The following RORA variants were observed in gnomAD, a reference collection of about 807,000 sequenced individuals.
The protein encoded by RORA is RAR related orphan receptor A.
RORA carries 7 observed loss-of-function variants against 69.5 expected under a neutral mutation model. The observed-to-expected ratio is 0.10, with a 90% confidence interval of 0.06 to 0.19. The LOEUF is 0.19. Ranked by LOEUF, RORA falls within the 10% of genes least tolerant of loss-of-function variation. RORA has a pLI of 1.00. For missense variants in RORA, 457 were observed against 663.0 expected (o/e 0.69, Z 3.41); for synonymous variants, 261 against 240.8 (o/e 1.08, Z -0.78).
chr15:60,615,113 C>A (rs1392023736), intron 2 of RORA: 2 of 1,525,570 alleles, frequency 1.3e-6, no homozygotes, highest in Non-Finnish European at 1.8e-6. Context: ...CTGCCACTAT[C>A]CACAGCCACC....
chr15:61,004,370 G>C lies in RORA; in HGVS notation c.166+224683C>G, dbSNP rs530288502. Among the ~76,000 whole-genome samples, 822 of 127,890 alleles carry C rather than the reference G, an allele frequency of 6.4e-3. 5 individuals carry two copies. Among genetic ancestry groups the C allele is most frequent in the Middle Eastern group, 0.013 (3 of 238 alleles). 83.9% of individuals were successfully genotyped at this position (127,890 alleles called of 152,430 possible). ...TAGAATTCTTTATGCTTAAAATGGA[G>C]TCTGAATGTTTTTTTTTTTTTTCAT... is the stretch of plus-strand genomic sequence containing the variant. On this transcript the variant is annotated intron_variant, in intron 1 of 10. Coordinates refer to ENST00000335670, the MANE Select transcript of RORA (RefSeq NM_134261.3).
chr15:60,672,018 T>C (rs961950191), intron 2 of RORA, among the ~76,000 whole-genome samples: 3 of 152,072 alleles, frequency 2.0e-5, no homozygotes, highest in East Asian at 1.9e-4. Context: ...GACCAAGAGG[T>C]TGAGGCTGCA....
chr15:61,217,183 C>T (rs558529147), intron 1 of RORA, among the ~76,000 whole-genome samples: 1 of 152,134 alleles, frequency 6.6e-6, no homozygotes, highest in Non-Finnish European at 1.5e-5. Context: ...TTAATGGGCA[C>T]CTATTTTATG....
intron 1 of RORA, among the ~76,000 whole-genome samples, chr15:61,135,146 TAAAAAAAAA>T: frequency 1.8e-5 from 1 of 56,594 alleles, no homozygotes; most frequent in African/African-American, 6.4e-5. Context: ...CATCTCTTAC[TAAAAAAAAA>T]AAAAAAAAAA....
At chr15:60,562,783 C>T (rs2067608564) in intron 2 of RORA, among the ~76,000 whole-genome samples, 1 of 151,980 alleles carries the variant, frequency 6.6e-6, no homozygotes, top group African/African-American at 2.4e-5. Flanking sequence ...TGCTATGTTG[C>T]CCAGGCTGCT....
intron 1 of RORA, among the ~76,000 whole-genome samples, chr15:61,210,289 T>C (rs762272317): frequency 6.6e-6 from 1 of 152,244 alleles, no homozygotes; most frequent in Non-Finnish European, 1.5e-5. Context: ...AGTCTTTCTC[T>C]GACAATGCCC....
rs1403681445 is a variant in RORA, at chr15:61,202,599, G to A, written c.166+26454C>T. On this transcript the variant is annotated intron_variant, in intron 1 of 10. Transcript: ENST00000335670. Reference sequence around the variant, plus strand: ...GGTGCTAACAACCTCATAGGAGCAGGAGATGAGATCTTGCAGCCTCGCTTG... The same window carrying A: ...GGTGCTAACAACCTCATAGGAGCAGAAGATGAGATCTTGCAGCCTCGCTTG... Among the ~76,000 whole-genome samples the A allele has an allele frequency of 2.6e-5, 4 of 152,192 alleles. No homozygotes were observed. In the East Asian group the frequency reaches 5.8e-4, roughly 22 times the overall value.
chr15:60,727,660 C>T (rs559534765), intron 1 of RORA, among the ~76,000 whole-genome samples: 5 of 152,018 alleles, frequency 3.3e-5, no homozygotes, highest in African/African-American at 1.2e-4. Context: ...GGTCCTGGAA[C>T]AGGTTGTTTG....
intron 1 of RORA, among the ~76,000 whole-genome samples, chr15:61,019,065 A>G (rs1332350451): frequency 2.0e-5 from 3 of 152,202 alleles, no homozygotes; most frequent in Admixed American, 2.0e-4. Context: ...TAGTTCTGCT[A>G]AGATCCCCAA....
At chr15:60,500,925 G>A (rs200994951) in intron 9 of RORA, 34 bp downstream of exon 9, 17 of 1,275,710 alleles carry the variant, frequency 1.3e-5, no homozygotes, top group South Asian at 6.3e-5. Context: ...TAGACAATTC[G>A]AAAACCATTT....
intron 1 of RORA, among the ~76,000 whole-genome samples, chr15:60,993,948 A>C (rs1566936698): frequency 1.3e-5 from 2 of 152,236 alleles, no homozygotes; most frequent in South Asian, 4.1e-4. Context: ...AAAATAAAAT[A>C]TAATCTCTAT....
chr15:61,018,702 T>C (rs913519255), intron 1 of RORA, among the ~76,000 whole-genome samples: 2 of 152,178 alleles, frequency 1.3e-5, no homozygotes, highest in Non-Finnish European at 2.9e-5. Context: ...CAGATGTATA[T>C]ATGACTATAC....
At chr15:60,776,228 C>A (rs1342793214) in intron 1 of RORA, among the ~76,000 whole-genome samples, 2 of 152,182 alleles carry the variant, frequency 1.3e-5, no homozygotes, top group African/African-American at 2.4e-5. Flanking sequence ...CCTTTCTCTC[C>A]CCGCCACTCT....
intron 1 of RORA, among the ~76,000 whole-genome samples, chr15:61,122,434 TA>T (rs2079112204): frequency 6.6e-6 from 1 of 152,118 alleles, no homozygotes; most frequent in Admixed American, 6.5e-5. Flanking sequence ...TTCTCAATTT[TA>T]AAAATGAGGA....
At chr15:61,117,178 C>CTT (rs35859710) in intron 1 of RORA, among the ~76,000 whole-genome samples, 18,407 of 138,288 alleles carry the variant, frequency 0.13, 1,679 homozygotes, top group African/African-American at 0.24. Context: ...TTAAAAGTTA[C>CTT]TTTTTTTTTT....
At chr15:61,067,134 CAG>C (rs1479107588) in intron 1 of RORA, among the ~76,000 whole-genome samples, 2 of 144,474 alleles carry the variant, frequency 1.4e-5, no homozygotes, top group African/African-American at 5.1e-5. Context: ...TTTTTTGAGA[CAG>C]AGTCTCACTC....
chr15:61,033,891 G>T (rs892883525), intron 1 of RORA, among the ~76,000 whole-genome samples: 4 of 74,884 alleles, frequency 5.3e-5, no homozygotes, highest in African/African-American at 9.0e-5. Context: ...AACATAGTGA[G>T]ACCATGTCTC....
chr15:60,927,912 TG>T (rs1892263094), intron 1 of RORA, among the ~76,000 whole-genome samples: 1 of 152,246 alleles, frequency 6.6e-6, no homozygotes, highest in Non-Finnish European at 1.5e-5. Flanking sequence ...TAATTCAAGT[TG>T]GCTATTGACA....
At chr15:60,650,763 A>G (rs1040631590) in intron 2 of RORA, 4 of 152,222 alleles carry the variant, frequency 2.6e-5, no homozygotes, top group African/African-American at 9.6e-5. Flanking sequence ...AACTTCCAGA[A>G]TAAAGGAGGA....
Sources: gnomAD v4.1 joint callset for allele counts (sites outside exome capture counted in the v4.1 genomes callset) on GRCh38, gnomAD v4.1.1 for gene constraint, MANE v1.5 for transcripts, NCBI Gene and HGNC (gene_info 2026-07-23, HGNC 2026-07-21) for gene names.